The following BLM variants were observed in gnomAD, a reference collection of about 807,000 sequenced individuals.
BLM encodes the protein BLM RecQ like helicase.
Under a neutral mutation model 135.3 loss-of-function variants are expected in BLM, and 95 were observed. The observed-to-expected ratio is 0.70, with a 90% confidence interval of 0.59 to 0.83. The LOEUF is 0.83. BLM is among the 40% of genes least tolerant of loss of function. The pLI is 0.00. For missense variants in BLM, 1,518 were observed against 1,663.9 expected, an observed-to-expected ratio of 0.91 and a Z score of 1.53; for synonymous variants, 520 against 589.2, an observed-to-expected ratio of 0.88 and a Z score of 1.70.
At chr15:90,733,495 C>T (rs1038139401) in intron 1 of BLM, among the ~76,000 whole-genome samples, 2 of 152,028 alleles carry the variant, frequency 1.3e-5, no homozygotes, top group Admixed American at 6.5e-5. Flanking sequence ...TGTTTTAGAA[C>T]GTAGAAAAGA....
chr15:90,723,706 T>C (rs902562969), intron 1 of BLM, among the ~76,000 whole-genome samples: 2 of 152,166 alleles, frequency 1.3e-5, no homozygotes, highest in African/African-American at 2.4e-5. Context: ...GAGTTTTACA[T>C]GTATAGTACC....
Position 90,794,197 on chromosome 15 carries a change from A to G in BLM, c.3050A>G (p.Glu1017Gly), listed in dbSNP as rs2151187186. 2.5e-6 allele frequency: 4 copies of G among 1,605,428 alleles called. No homozygotes were observed. Among genetic ancestry groups the G allele is most frequent in the Non-Finnish European group, 3.4e-6 (4 of 1,174,656 alleles). ...MEKDGNHHTR[E>G]THFNNLYSMV... ...AAAGATGGAAACCATCATACAAGAG[A>G]AACTCACTTCAATAATTTGTATAGC... Residue 1017 changes from glutamate (E) to glycine (G), a missense_variant, in exon 16 of 22, where the codon GAA becomes GGA. Around this residue, in one of 5 missense-constraint regions of BLM, gnomAD observed 626 missense variants for 681.1 expected, o/e 0.92. Transcript: ENST00000355112.
chr15:90,808,974 C>T, intron 19 of BLM, 163 bp from the exon 20 acceptor site: 1 of 897,664 alleles, frequency 1.1e-6, no homozygotes. Flanking sequence ...TGTCTGCTGC[C>T]TCTGAGGTGC....
chr15:90,815,299 A>T lies in BLM; in HGVS notation c.*20A>T. The stretch of plus-strand genomic sequence containing the variant: ...TCATAACAACCGAATCTCAATGTAC[A>T]TAGACCCTCTTTCTTGTTTGTCAGC... On this transcript the variant is annotated 3_prime_UTR_variant, in exon 22 of 22. Coordinates refer to ENST00000355112, the MANE Select transcript of BLM (RefSeq NM_000057.4). This position sits in a 1 kb window ranked among gnomAD's most constrained non-coding sequence, Gnocchi z 4.6. 1 of 1,609,822 alleles carries T rather than the reference A, an allele frequency of 6.2e-7. No individual in the cohort carries two copies. The highest frequency in any genetic ancestry group is 8.5e-7 in the Non-Finnish European group (1 of 1,176,102).
At chr15:90,743,546 A>G (rs1359561705) in intron 1 of BLM, among the ~76,000 whole-genome samples, 1 of 151,618 alleles carries the variant, frequency 6.6e-6, no homozygotes. Context: ...ATTTTTTTTA[A>G]GAGATGGGGT....
intron 12 of BLM, among the ~76,000 whole-genome samples, chr15:90,781,574 C>G (rs2151177095): frequency 6.6e-6 from 1 of 152,250 alleles, no homozygotes; most frequent in Non-Finnish European, 1.5e-5. Context: ...TGCAGTGAGC[C>G]AAGATCGCAC....
chr15:90,793,376 C>T (rs1176879511), intron 15 of BLM, among the ~76,000 whole-genome samples: 1 of 152,090 alleles, frequency 6.6e-6, no homozygotes, highest in Non-Finnish European at 1.5e-5. Flanking sequence ...CTCAGGTGAT[C>T]CGCCCACCTT....
chr15:90,720,720 C>T (rs936843632), intron 1 of BLM, among the ~76,000 whole-genome samples: 1 of 151,884 alleles, frequency 6.6e-6, no homozygotes, highest in Non-Finnish European at 1.5e-5. Context: ...CAGGGGTGTA[C>T]CACCATGCCT....
intron 1 of BLM, among the ~76,000 whole-genome samples, chr15:90,728,006 C>T (rs936544926): frequency 6.6e-6 from 1 of 152,016 alleles, no homozygotes; most frequent in Non-Finnish European, 1.5e-5. Context: ...ATGATTGTTT[C>T]CTCCCTCCTT....
intron 4 of BLM, among the ~76,000 whole-genome samples, chr15:90,752,732 A>C (rs1895720634): frequency 6.6e-6 from 1 of 152,240 alleles, no homozygotes; most frequent in Admixed American, 6.5e-5. Context: ...TCAACAGCTT[A>C]AATTGCTAAG....
chr15:90,795,736 C>G (rs1257365551), intron 16 of BLM, among the ~76,000 whole-genome samples: 1 of 152,176 alleles, frequency 6.6e-6, no homozygotes, highest in African/African-American at 2.4e-5. Flanking sequence ...AGCTTACACT[C>G]TAGCAGAGGG....
intron 1 of BLM, among the ~76,000 whole-genome samples, chr15:90,730,853 T>G (rs1016333430): frequency 6.6e-6 from 1 of 152,224 alleles, no homozygotes; most frequent in Non-Finnish European, 1.5e-5. Context: ...GCTTTAATGT[T>G]GTGGTGAATT....
intron 1 of BLM, among the ~76,000 whole-genome samples, chr15:90,729,052 G>A (rs959352655): frequency 1.3e-5 from 2 of 152,068 alleles, no homozygotes; most frequent in African/African-American, 2.4e-5. Flanking sequence ...GCTCACACCT[G>A]TAATCCCAGC....
intron 6 of BLM, 142 bp downstream of exon 6, chr15:90,760,421 G>T: frequency 7.4e-7 from 1 of 1,342,562 alleles, no homozygotes; most frequent in Non-Finnish European, 1.1e-6. Flanking sequence ...TTTTTGATTT[G>T]TTTACTTTTC....
chr15:90,722,789 T>G (rs1894803384), intron 1 of BLM, among the ~76,000 whole-genome samples: 1 of 152,166 alleles, frequency 6.6e-6, no homozygotes, highest in Admixed American at 6.5e-5. Flanking sequence ...ACCCCAGAAG[T>G]GTATCTTTCT....
At chr15:90,753,595 T>C (rs1895743723) in intron 4 of BLM, among the ~76,000 whole-genome samples, 1 of 152,260 alleles carries the variant, frequency 6.6e-6, no homozygotes, top group Non-Finnish European at 1.5e-5. Context: ...CATATGTGTA[T>C]ATATTATAAA....
intron 19 of BLM, among the ~76,000 whole-genome samples, chr15:90,805,243 G>A (rs531463951): frequency 7.1e-6 from 1 of 140,060 alleles, no homozygotes; most frequent in African/African-American, 2.5e-5. Flanking sequence ...TGTTATATAT[G>A]GTATAATGGT....
chr15:90,753,545 G>A (rs1895742220), intron 4 of BLM, among the ~76,000 whole-genome samples: 1 of 152,070 alleles, frequency 6.6e-6, no homozygotes, highest in Non-Finnish European at 1.5e-5. Flanking sequence ...TATTTCCAAG[G>A]TAGACTCTCT....
chr15:90,801,040 G>A (rs565923221), intron 17 of BLM, among the ~76,000 whole-genome samples: 36 of 151,950 alleles, frequency 2.4e-4, no homozygotes, highest in East Asian at 7.8e-4. Context: ...TCCCAGCTAC[G>A]CAGGAGGCCG....
Sources: allele counts gnomAD v4.1 joint callset (sites outside exome capture counted in the v4.1 genomes callset), GRCh38; gene constraint gnomAD v4.1.1; regional missense constraint gnomAD v4.1.1; non-coding constraint Gnocchi (gnomAD v3.1); transcripts MANE v1.5; gene names NCBI Gene and HGNC (gene_info 2026-07-23, HGNC 2026-07-21).